APBA2: variants seen among roughly 807,000 people sequenced by gnomAD.
APBA2 encodes amyloid beta precursor protein binding family A member 2.
APBA2 carries 30 observed loss-of-function variants against 75.0 expected under a neutral mutation model. The observed-to-expected ratio is 0.40, with a 90% CI of 0.30 to 0.54. The LOEUF is 0.54. Among genes scored for constraint, APBA2 ranks in the 20% least tolerant of loss-of-function variants. The pLI, the probability that APBA2 is intolerant of heterozygous loss-of-function variation, is 0.49. For synonymous variants in APBA2, 444 were observed against 409.6 expected (o/e 1.08, Z -1.01); for missense variants, 801 against 1,016.1 (o/e 0.79, Z 2.88).
At chr15:29,069,754 C>G (rs1383145264) in intron 4 of APBA2, among the ~76,000 whole-genome samples, 1 of 152,260 alleles carries the variant, frequency 6.6e-6, no homozygotes, top group Non-Finnish European at 1.5e-5. Context: ...CTACCCTGTG[C>G]CATATGGGAC....
intron 6 of APBA2, among the ~76,000 whole-genome samples, chr15:29,088,646 T>C (rs1429348490): frequency 6.6e-6 from 1 of 152,184 alleles, no homozygotes; most frequent in African/African-American, 2.4e-5. Flanking sequence ...ATGGCTACAG[T>C]AGCCTCTCAG....
chr15:28,896,066 C>T (rs911835283), intron 1 of APBA2, among the ~76,000 whole-genome samples: 1 of 152,146 alleles, frequency 6.6e-6, no homozygotes, highest in Non-Finnish European at 1.5e-5. Context: ...TGAGCTGTGA[C>T]TGCGTCACTC....
chr15:29,044,866 A>C (rs902340483), intron 3 of APBA2, among the ~76,000 whole-genome samples: 4 of 152,142 alleles, frequency 2.6e-5, no homozygotes, highest in Non-Finnish European at 4.4e-5. Context: ...GCAGACATTT[A>C]TTTCTCACAG....
At chr15:28,960,164 A>G (rs1480935337) in intron 2 of APBA2, among the ~76,000 whole-genome samples, 2 of 151,436 alleles carry the variant, frequency 1.3e-5, no homozygotes, top group African/African-American at 4.8e-5. Context: ...AAAAAAAAAA[A>G]AAAAGACACT....
At chr15:28,969,151 T>C (rs562632134) in intron 2 of APBA2, among the ~76,000 whole-genome samples, 1 of 76,822 alleles carries the variant, frequency 1.3e-5, no homozygotes, top group African/African-American at 4.4e-4. Context: ...TTTCTTTCTT[T>C]CTTTCTTTCT....
rs539943829 is a variant in APBA2, at chr15:29,091,974, C to G, written c.1070-1101C>G. Among the ~76,000 whole-genome samples, 18 of 152,266 alleles carry G rather than the reference C, an allele frequency of 1.2e-4. 1 individual carries two copies. In the South Asian group the frequency reaches 3.5e-3, roughly 30 times the overall value. ...GGGCTCTGGCCAGGAGGTGGGCAGTCGGGAGGGATAAAGCAGGTGACATGG... is the reference window on the plus strand; with the variant it reads ...GGGCTCTGGCCAGGAGGTGGGCAGTGGGGAGGGATAAAGCAGGTGACATGG... On this transcript the variant is annotated intron_variant, in intron 6 of 14. Transcript: ENST00000683413.
chr15:28,951,894 T>A (rs1334985213), intron 2 of APBA2, among the ~76,000 whole-genome samples: 3 of 149,032 alleles, frequency 2.0e-5, no homozygotes, highest in African/African-American at 7.5e-5. Flanking sequence ...TTTTTTTTTT[T>A]TTTTTTTTTT....
At chr15:29,061,894 G>T (rs2042143425) in intron 4 of APBA2, among the ~76,000 whole-genome samples, 1 of 152,250 alleles carries the variant, frequency 6.6e-6, no homozygotes, top group East Asian at 1.9e-4. Flanking sequence ...GTGGCATGGG[G>T]TTGTTGGCAC....
At chr15:28,913,287 C>T (rs576218422) in intron 1 of APBA2, among the ~76,000 whole-genome samples, 4 of 152,148 alleles carry the variant, frequency 2.6e-5, no homozygotes, top group Non-Finnish European at 5.9e-5. Context: ...CACAGTAGCT[C>T]GAGGAGCAGG....
At chr15:28,889,020 T>TG (rs1025579418) in intron 1 of APBA2, among the ~76,000 whole-genome samples, 3 of 152,126 alleles carry the variant, frequency 2.0e-5, no homozygotes, top group Non-Finnish European at 4.4e-5. Context: ...CAGCGGGGGC[T>TG]GGGGGTGCTC....
intron 2 of APBA2, among the ~76,000 whole-genome samples, chr15:28,929,080 T>C (rs577713487): frequency 4.2e-4 from 64 of 152,204 alleles, no homozygotes; most frequent in African/African-American, 1.5e-3. Context: ...AGGATGGGAG[T>C]GATGACTTCC....
At chr15:28,922,057 G>A (rs2034001462) in intron 2 of APBA2, among the ~76,000 whole-genome samples, 1 of 152,198 alleles carries the variant, frequency 6.6e-6, no homozygotes, top group African/African-American at 2.4e-5. Flanking sequence ...TGTCCCTGGA[G>A]TGCCCCAGGT....
chr15:29,061,787 G>A (rs76479915), intron 4 of APBA2, among the ~76,000 whole-genome samples: 2,400 of 152,310 alleles, frequency 0.016, 73 homozygotes, highest in African/African-American at 0.053. Context: ...CAGTGGTACC[G>A]TGTGTGTTCT....
intron 10 of APBA2, chr15:29,102,842 C>T (rs2044195890): frequency 6.6e-6 from 1 of 152,154 alleles, no homozygotes; most frequent in Non-Finnish European, 1.5e-5. Context: ...GTCTCAGGGA[C>T]CTGGGCAATA....
chr15:28,931,313 C>T (rs749349209), intron 2 of APBA2, among the ~76,000 whole-genome samples: 12 of 152,294 alleles, frequency 7.9e-5, no homozygotes, highest in Middle Eastern at 6.8e-3. Flanking sequence ...CTACTCCAGT[C>T]GGTCCCCCTG....
chr15:28,906,472 G>A (rs1595429741), intron 1 of APBA2, among the ~76,000 whole-genome samples: 2 of 152,326 alleles, frequency 1.3e-5, no homozygotes, highest in South Asian at 2.1e-4. Context: ...AAACTCTTGT[G>A]TCTGCATGGG....
chr15:28,969,675 G>A (rs2036961112), intron 2 of APBA2, among the ~76,000 whole-genome samples: 3 of 152,196 alleles, frequency 2.0e-5, no homozygotes, highest in Admixed American at 2.0e-4. Context: ...GTCCGGAGTT[G>A]GAGGTGGCCT....
At chr15:29,112,926 G>A (rs2044815355) in intron 13 of APBA2, among the ~76,000 whole-genome samples, 1 of 151,996 alleles carries the variant, frequency 6.6e-6, no homozygotes, top group Non-Finnish European at 1.5e-5. Context: ...ACTACCCCAG[G>A]TACCTCATAT....
chr15:29,103,353 C>T (rs1423575701), intron 10 of APBA2, among the ~76,000 whole-genome samples: 1 of 152,246 alleles, frequency 6.6e-6, no homozygotes, highest in Non-Finnish European at 1.5e-5. Flanking sequence ...GCCCACAGCC[C>T]ACTTGCAGGA....
Sources: gnomAD v4.1 joint callset for allele counts (sites outside exome capture counted in the v4.1 genomes callset) on GRCh38, gnomAD v4.1.1 for gene constraint, MANE v1.5 for transcripts, NCBI Gene and HGNC (gene_info 2026-07-23, HGNC 2026-07-21) for gene names.